SCN2A: variants seen among roughly 807,000 people sequenced by gnomAD.
SCN2A encodes the protein sodium voltage-gated channel alpha subunit 2.
SCN2A carries 20 observed loss-of-function variants against 188.7 expected under a neutral mutation model. The ratio of observed to expected loss-of-function variants is 0.11; its 90% CI spans 0.07 to 0.15. The LOEUF is 0.15. Among genes scored for constraint, SCN2A ranks in the 10% least tolerant of loss-of-function variants. The pLI, the probability that SCN2A is intolerant of heterozygous loss-of-function variation, is 1.00. For synonymous variants in SCN2A, 804 were observed against 833.1 expected (o/e 0.97, Z 0.60); for missense variants, 1,278 against 2,445.0 (o/e 0.52, Z 10.07).
At chr2:165,283,630 T>C (rs1695684908) in intron 1 of SCN2A, among the ~76,000 whole-genome samples, 1 of 152,194 alleles carries the variant, frequency 6.6e-6, no homozygotes, top group African/African-American at 2.4e-5. Flanking sequence ...CACAAATTTG[T>C]CTAATAGCAG....
At chr2:165,284,372 A>G (rs898818755) in intron 1 of SCN2A, among the ~76,000 whole-genome samples, 2 of 152,050 alleles carry the variant, frequency 1.3e-5, no homozygotes, top group African/African-American at 2.4e-5. Context: ...GGGTTTCACC[A>G]TGTTAGCAGG....
chr2:165,384,035 G>A, intron 25 of SCN2A, among the ~76,000 whole-genome samples: 1 of 152,072 alleles, frequency 6.6e-6, no homozygotes, highest in Non-Finnish European at 1.5e-5. Context: ...CGAAGACAGA[G>A]GGAATAATTA....
Position 165,303,270 on chromosome 2 carries a change from G to GTTTTTTTTTTTT in SCN2A, c.387-4566_387-4555dup, listed in dbSNP as rs71028477. Among the ~76,000 whole-genome samples, 109 of 91,310 alleles carry GTTTTTTTTTTTT rather than the reference G, an allele frequency of 1.2e-3. 4 individuals are homozygous for GTTTTTTTTTTTT. Among genetic ancestry groups the GTTTTTTTTTTTT allele is most frequent in the African/African-American group, 2.2e-3 (55 of 24,702 alleles). The allele number at this position is 91,310 out of a possible 152,430, so 59.9% of individuals were successfully genotyped here. ...TTGTATTTGAGTTTTTGTTATTTGA[G>GTTTTTTTTTTTT]TTTTTTTTTTTTTTTTTTTTTTTGA... On this transcript the variant is annotated intron_variant, in intron 3 of 26. Coordinates refer to ENST00000375437, the MANE Select transcript of SCN2A (RefSeq NM_001040142.2).
At chr2:165,363,857 C>T (rs1033217174) in intron 17 of SCN2A, among the ~76,000 whole-genome samples, 2 of 151,934 alleles carry the variant, frequency 1.3e-5, no homozygotes, top group Non-Finnish European at 2.9e-5. Flanking sequence ...AATATTTATG[C>T]TTCCATCATT....
chr2:165,389,049 A>G lies in SCN2A; in HGVS notation c.5243A>G (p.Asn1748Ser). The change falls in exon 27 of 27, where the codon AAC becomes AGC. Residue 1748 changes from asparagine to serine, a missense_variant. Around this residue, in one of 17 missense-constraint regions of SCN2A, gnomAD observed 47 missense variants for 109.0 expected, o/e 0.43. Transcript: ENST00000375437. The surrounding 1 kb of genome is among the most constrained non-coding windows in gnomAD (Gnocchi z 4.2). The stretch of plus-strand genomic sequence containing the variant: ...AGCTCAGTTAAAGGAGACTGTGGGA[A>G]CCCATCTGTTGGGATTTTCTTTTTT... Reference protein sequence around the residue: ...PGSSVKGDCGNPSVGIFFFVS... With the variant: ...PGSSVKGDCGSPSVGIFFFVS... 1 of 1,613,870 alleles carries G rather than the reference A, an allele frequency of 6.2e-7. No individual in the cohort carries two copies. Among genetic ancestry groups the G allele is most frequent in the Non-Finnish European group, 8.5e-7 (1 of 1,179,940 alleles).
In SCN2A at chr2:165,306,090, G is replaced by A. The variant is rs117927508; in HGVS notation, c.387-1758G>A. On this transcript the variant is annotated intron_variant, in intron 3 of 26. Coordinates refer to ENST00000375437, the MANE Select transcript of SCN2A (RefSeq NM_001040142.2). ...GAAGGAGGAAAGAATTGGTCTCAAT[G>A]TGGAAAAGTTTGTTGATTTGGGGGT... Among the ~76,000 whole-genome samples, 98 of 152,346 alleles carry A rather than the reference G, an allele frequency of 6.4e-4. No individual in the cohort carries two copies. In the East Asian group the frequency reaches 7.9e-3, roughly 12 times the overall value.
intron 1 of SCN2A, chr2:165,285,583 T>C: frequency 4.3e-6 from 1 of 233,644 alleles, no homozygotes; most frequent in South Asian, 7.5e-5. Context: ...AAGAAGTTTT[T>C]TGATGCAAAC....
At chr2:165,382,818 G>C (rs577308959) in intron 25 of SCN2A, among the ~76,000 whole-genome samples, 7 of 152,238 alleles carry the variant, frequency 4.6e-5, no homozygotes, top group African/African-American at 1.4e-4. Flanking sequence ...ATTCAATTGA[G>C]CTCTGAAACA....
At chr2:165,344,933 C>T in intron 16 of SCN2A, 22 bp downstream of exon 16, 3 of 1,613,368 alleles carry the variant, frequency 1.9e-6, no homozygotes, top group Non-Finnish European at 2.5e-6. Flanking sequence ...AAACATTTTC[C>T]TCATTTTCAT....
At chr2:165,258,382 G>A (rs764515851) in intron 1 of SCN2A, among the ~76,000 whole-genome samples, 2 of 152,124 alleles carry the variant, frequency 1.3e-5, no homozygotes, top group Non-Finnish European at 2.9e-5. Context: ...TTCTGCATAT[G>A]GCTAGCCAGT....
rs140661535 is a variant in SCN2A at position 165,315,571 on chromosome 2, C to G, written c.1484C>G (p.Ser495Cys). The G allele has an allele frequency of 1.2e-6, 2 of 1,613,314 alleles. No individual in the cohort carries two copies. The highest frequency in any genetic ancestry group is 1.7e-6 in the Non-Finnish European group (2 of 1,179,798). ...ESSSVASKLSSKSEKELKNRR... is the reference protein window; with the variant it reads ...ESSSVASKLSCKSEKELKNRR... ...TCTTCAGTAGCATCTAAGTTGAGCT[C>G]CAAAAGTGAAAAAGAGCTGAAAAAC... Residue 495 changes from serine to cysteine, a missense_variant, in exon 11 of 27, where the codon TCC (serine) becomes TGC (cysteine). Transcript: ENST00000375437.
intron 1 of SCN2A, among the ~76,000 whole-genome samples, chr2:165,264,803 C>A (rs1174115711): frequency 6.6e-6 from 1 of 151,890 alleles, no homozygotes; most frequent in Non-Finnish European, 1.5e-5. Context: ...TGATCTCATT[C>A]TTTTTTTTGT....
At chr2:165,245,661 A>G (rs1693812795) in intron 1 of SCN2A, among the ~76,000 whole-genome samples, 1 of 152,162 alleles carries the variant, frequency 6.6e-6, no homozygotes, top group African/African-American at 2.4e-5. Context: ...GCCTAGTTAT[A>G]CAGACAGGGT....
intron 14 of SCN2A, among the ~76,000 whole-genome samples, chr2:165,334,073 T>C: frequency 6.7e-6 from 1 of 149,604 alleles, no homozygotes; most frequent in East Asian, 2.0e-4. Flanking sequence ...CAAGAAGTAA[T>C]AGACTATCTC....
intron 3 of SCN2A, 26 bp from the exon 4 acceptor site, chr2:165,307,822 C>A: frequency 6.6e-7 from 1 of 1,514,964 alleles, no homozygotes; most frequent in Non-Finnish European, 9.2e-7. Context: ...TTCCATTGAA[C>A]TTTGTCTTCC....
At chr2:165,345,111 T>G (rs934532794) in intron 16 of SCN2A, among the ~76,000 whole-genome samples, 200 bp downstream of exon 16, 3 of 152,204 alleles carry the variant, frequency 2.0e-5, no homozygotes, top group Non-Finnish European at 2.9e-5. Flanking sequence ...ACCAAAGTTA[T>G]TCTTTCTTTC....
intron 13 of SCN2A, chr2:165,327,187 C>G (rs536451706): frequency 1.8e-6 from 1 of 567,482 alleles, no homozygotes; most frequent in African/African-American, 1.9e-5. Context: ...CTCCAGAAAG[C>G]TGCTGCAAAT....
At chr2:165,355,126 GC>G in intron 17 of SCN2A, among the ~76,000 whole-genome samples, 1 of 152,182 alleles carries the variant, frequency 6.6e-6, no homozygotes, top group East Asian at 1.9e-4. Flanking sequence ...TATTTTGTTT[GC>G]ACAGACATAT....
intron 25 of SCN2A, among the ~76,000 whole-genome samples, chr2:165,382,933 A>C (rs1403985332): frequency 1.3e-5 from 2 of 152,188 alleles, no homozygotes; most frequent in Non-Finnish European, 2.9e-5. Context: ...ATCAATGAAG[A>C]AATGAGCTTG....
Sources: gnomAD v4.1 joint callset for allele counts (sites outside exome capture counted in the v4.1 genomes callset) on GRCh38, gnomAD v4.1.1 for gene constraint, gnomAD v4.1.1 regional missense constraint, Gnocchi (gnomAD v3.1) non-coding constraint, MANE v1.5 for transcripts, NCBI Gene and HGNC (gene_info 2026-07-23, HGNC 2026-07-21) for gene names.